Variants in ANKS1B observed in about 807,000 individuals in gnomAD.
ANKS1B encodes the protein ankyrin repeat and sterile alpha motif domain-containing protein 1B.
A neutral mutation model predicts 148.3 loss-of-function variants in ANKS1B; 36 were observed. The ratio of observed to expected loss-of-function variants is 0.24; its 90% CI spans 0.19 to 0.32. The LOEUF is 0.32. ANKS1B is among the 10% of genes least tolerant of loss of function. ANKS1B has a pLI of 1.00. For synonymous variants in ANKS1B, 542 were observed against 560.8 expected (o/e 0.97, Z 0.47); for missense variants, 1,157 against 1,542.6 (o/e 0.75, Z 4.19).
intron 14 of ANKS1B, among the ~76,000 whole-genome samples, chr12:99,155,335 A>T (rs562407322): frequency 1.3e-5 from 2 of 152,064 alleles, no homozygotes; most frequent in African/African-American, 4.8e-5. Context: ...CGAGATATAT[A>T]TTTTTTTCTT....
chr12:99,926,726 C>A (rs774240754), intron 1 of ANKS1B, among the ~76,000 whole-genome samples: 6 of 152,132 alleles, frequency 3.9e-5, no homozygotes, highest in Non-Finnish European at 8.8e-5. Context: ...TCTGGAGAAC[C>A]CTAATACACA....
In ANKS1B at chr12:98,800,183, A is replaced by C. The variant is rs73380424; in HGVS notation, c.3270+814T>G. Among the ~76,000 whole-genome samples the C allele has an allele frequency of 9.9e-3, 1,493 of 150,732 alleles. 17 individuals carry two copies. Among genetic ancestry groups the C allele is most frequent in the African/African-American group, 0.035 (1,417 of 40,912 alleles). ...TAAATCCAAAGCTGCAATATAAGTA[A>C]GCTTTAGTAAAAGAGGGGCAGAAAG... On this transcript the variant is annotated intron_variant, in intron 21 of 26. Transcript: ENST00000683438.
chr12:99,399,537 T>C, intron 12 of ANKS1B, 94 bp downstream of exon 12: 1 of 1,335,846 alleles, frequency 7.5e-7, no homozygotes, highest in Non-Finnish European at 1.0e-6. Context: ...AAAAACACAA[T>C]GCAATTTGTA....
intron 10 of ANKS1B, among the ~76,000 whole-genome samples, chr12:99,454,639 T>C (rs542002041): frequency 2.1e-4 from 32 of 152,338 alleles, no homozygotes; most frequent in African/African-American, 7.7e-4. Context: ...TCTTTTAGCA[T>C]AATAATTCAC....
intron 11 of ANKS1B, among the ~76,000 whole-genome samples, chr12:99,433,076 G>A (rs1446514731): frequency 6.6e-6 from 1 of 152,104 alleles, no homozygotes; most frequent in Non-Finnish European, 1.5e-5. Flanking sequence ...TTTTTCAAAG[G>A]TCTAGGCCAG....
At chr12:99,407,144 AC>A (rs1409948721) in intron 11 of ANKS1B, among the ~76,000 whole-genome samples, 5 of 145,692 alleles carry the variant, frequency 3.4e-5, no homozygotes, top group Non-Finnish European at 6.1e-5. Flanking sequence ...ATACTAGCAA[AC>A]CAAATTCAAC....
intron 10 of ANKS1B, among the ~76,000 whole-genome samples, chr12:99,489,407 T>A: frequency 6.6e-6 from 1 of 152,208 alleles, no homozygotes; most frequent in Non-Finnish European, 1.5e-5. Context: ...ACTTTCTATA[T>A]ATTGAACAAA....
chr12:99,947,259 A>G (rs2095090565), intron 1 of ANKS1B, among the ~76,000 whole-genome samples: 1 of 151,176 alleles, frequency 6.6e-6, no homozygotes, highest in Non-Finnish European at 1.5e-5. Flanking sequence ...GTAATACAAA[A>G]AAAAAAAAAA....
At chr12:99,877,093 C>A (rs574724556) in intron 1 of ANKS1B, among the ~76,000 whole-genome samples, 11 of 151,410 alleles carry the variant, frequency 7.3e-5, no homozygotes, top group Admixed American at 6.6e-5. Context: ...ACCCACTTCA[C>A]CCCCCCACCC....
At chr12:99,431,388 T>C (rs1387554882) in intron 11 of ANKS1B, among the ~76,000 whole-genome samples, 1 of 152,188 alleles carries the variant, frequency 6.6e-6, no homozygotes, top group African/African-American at 2.4e-5. Flanking sequence ...ACAGTGTGAA[T>C]TTGTGCAAGA....
chr12:98,785,362 C>A (rs111380017), intron 22 of ANKS1B, among the ~76,000 whole-genome samples: 3 of 152,078 alleles, frequency 2.0e-5, no homozygotes, highest in African/African-American at 7.2e-5. Context: ...CCCAGCTATT[C>A]AGGAGGCCGA....
chr12:99,171,051 G>C (rs990774896), intron 14 of ANKS1B, among the ~76,000 whole-genome samples: 2 of 152,236 alleles, frequency 1.3e-5, no homozygotes, highest in Non-Finnish European at 2.9e-5. Flanking sequence ...TAACTAAAGT[G>C]CTGGTGTCTA....
intron 25 of ANKS1B, among the ~76,000 whole-genome samples, chr12:98,755,215 C>T (rs1050539580): frequency 2.0e-5 from 3 of 152,222 alleles, no homozygotes; most frequent in African/African-American, 7.2e-5. Context: ...TCCTGCCTCT[C>T]CTATTAACAT....
intron 12 of ANKS1B, among the ~76,000 whole-genome samples, chr12:99,356,639 C>A (rs1248190523): frequency 6.6e-6 from 1 of 152,082 alleles, no homozygotes; most frequent in Non-Finnish European, 1.5e-5. Context: ...ACTGGTACAC[C>A]AGGTAACCTG....
chr12:99,479,643 C>A (rs1382686554), intron 10 of ANKS1B, among the ~76,000 whole-genome samples: 1 of 151,868 alleles, frequency 6.6e-6, no homozygotes, highest in African/African-American at 2.4e-5. Context: ...ACAAATACTG[C>A]ATGACCTCAC....
At chr12:99,885,115 A>C (rs187023319) in intron 1 of ANKS1B, among the ~76,000 whole-genome samples, 79 of 152,108 alleles carry the variant, frequency 5.2e-4, no homozygotes, top group Non-Finnish European at 8.5e-4. Context: ...CTGCCTTTTC[A>C]CATTCTATTT....
chr12:99,918,414 C>G (rs958068948), intron 1 of ANKS1B, among the ~76,000 whole-genome samples: 5 of 152,180 alleles, frequency 3.3e-5, no homozygotes, highest in Non-Finnish European at 7.3e-5. Flanking sequence ...TACTTTCACC[C>G]AAACCCTTTA....
At chr12:99,685,984 G>A (rs906099619) in intron 8 of ANKS1B, among the ~76,000 whole-genome samples, 13 of 152,038 alleles carry the variant, frequency 8.6e-5, no homozygotes, top group Admixed American at 6.6e-5. Context: ...TCCAGGGTAA[G>A]GGGTGGGGAT....
At chr12:98,765,172 C>T (rs573605061) in intron 25 of ANKS1B, among the ~76,000 whole-genome samples, 26 of 152,324 alleles carry the variant, frequency 1.7e-4, no homozygotes, top group Admixed American at 5.9e-4. Context: ...GCTGGAAATG[C>T]GTATGTGTCA....
Sources: allele counts gnomAD v4.1 joint callset (sites outside exome capture counted in the v4.1 genomes callset), GRCh38; gene constraint gnomAD v4.1.1; transcripts MANE v1.5; gene names NCBI Gene and HGNC (gene_info 2026-07-23, HGNC 2026-07-21).